COG5: variants seen among roughly 807,000 people sequenced by gnomAD.
COG5 encodes the protein conserved oligomeric Golgi complex subunit 5.
A neutral mutation model predicts 110.4 loss-of-function variants in COG5; 86 were observed. The observed-to-expected ratio is 0.78, with a 90% CI of 0.65 to 0.93. The LOEUF is 0.93. COG5 is among the 40% of genes least tolerant of loss of function. The pLI is 0.00. For synonymous variants in COG5, 360 were observed against 334.6 expected (o/e 1.08, Z -0.83); for missense variants, 1,077 against 987.0 (o/e 1.09, Z -1.22).
chr7:107,325,680 G>C (rs1416818822), intron 10 of COG5, among the ~76,000 whole-genome samples: 1 of 151,906 alleles, frequency 6.6e-6, no homozygotes, highest in African/African-American at 2.4e-5. Context: ...AAAAAAGTAA[G>C]AGTAAAAATA....
intron 11 of COG5, among the ~76,000 whole-genome samples, chr7:107,307,718 A>G (rs1807849797): frequency 6.6e-6 from 1 of 152,156 alleles, no homozygotes; most frequent in Admixed American, 6.5e-5. Flanking sequence ...ATATGAATGC[A>G]AAGACATAAG....
At position 107,227,420 on chromosome 7, in the gene COG5, TAG is replaced by T. The variant is rs1405798473; in HGVS notation, c.2168+3193_2168+3194del. Among the ~76,000 whole-genome samples, 6 of 152,168 alleles carry T rather than the reference TAG, an allele frequency of 3.9e-5. No individual in the cohort carries two copies. The East Asian group carries it at 7.7e-4, about 20-fold the overall frequency. On this transcript the variant is annotated intron_variant, in intron 19 of 21. Coordinates refer to ENST00000297135, the MANE Select transcript of COG5 (RefSeq NM_006348.5). ...AAGAAGCTAGATATAAAAAAAAAAGTAGAACTATTAAAATTATACATTGATCA... is the reference window on the plus strand; with the variant it reads ...AAGAAGCTAGATATAAAAAAAAAAGTAACTATTAAAATTATACATTGATCA...
At chr7:107,256,035 C>T (rs1802855524) in intron 16 of COG5, among the ~76,000 whole-genome samples, 1 of 152,016 alleles carries the variant, frequency 6.6e-6, no homozygotes, top group Admixed American at 6.6e-5. Context: ...CAAAATGTGC[C>T]TCTCTAGTAC....
At chr7:107,409,220 C>A (rs1190881381) in intron 7 of COG5, among the ~76,000 whole-genome samples, 4 of 69,138 alleles carry the variant, frequency 5.8e-5, no homozygotes, top group African/African-American at 2.0e-4. Flanking sequence ...AACCAAAAAG[C>A]AACGTCAAGG....
intron 7 of COG5, 43 bp downstream of exon 7, chr7:107,412,459 A>G (rs992127166): frequency 1.9e-6 from 3 of 1,589,356 alleles, no homozygotes. Context: ...CACCTGTATT[A>G]TGACACATTT....
chr7:107,389,914 C>T (rs369637988), intron 7 of COG5, among the ~76,000 whole-genome samples: 2 of 152,176 alleles, frequency 1.3e-5, no homozygotes, highest in Non-Finnish European at 2.9e-5. Context: ...CAATCACACT[C>T]ATCAGTGCCT....
At chr7:107,446,849 C>A (rs4730245) in intron 6 of COG5, among the ~76,000 whole-genome samples, 2 of 152,174 alleles carry the variant, frequency 1.3e-5, no homozygotes, top group African/African-American at 4.8e-5. Context: ...TGGATTCCCA[C>A]CCCTTTGCAT....
At chr7:107,456,414 A>G (rs376023870) in intron 6 of COG5, among the ~76,000 whole-genome samples, 174 of 152,334 alleles carry the variant, frequency 1.1e-3, no homozygotes, top group African/African-American at 4.0e-3. Context: ...TACTCTTTTC[A>G]GATATTAGAC....
At chr7:107,373,436 T>C (rs1438770568) in intron 7 of COG5, among the ~76,000 whole-genome samples, 1 of 152,084 alleles carries the variant, frequency 6.6e-6, no homozygotes. Context: ...TATACAGAGA[T>C]TAGTCAGAGA....
rs1342827302 is a variant in COG5 at position 107,258,315 on chromosome 7, T to C, written c.1644A>G (p.Ala548=). 3 of 1,612,984 alleles carry C rather than the reference T, an allele frequency of 1.9e-6. No individual in the cohort carries two copies. ...PLTEGQRRNV[A]VVNSLYKLHQ... ...GCAACTTATACAATGAATTCACTAC[T>C]GCCACATTTCTTCTCTGTCCTTCAG... The change falls in exon 15 of 22, where the codon GCA becomes GCG. Residue 548 remains alanine (A), a synonymous_variant. Coordinates refer to ENST00000297135, the MANE Select transcript of COG5 (RefSeq NM_006348.5).
chr7:107,401,399 A>G (rs1029097930), intron 7 of COG5, among the ~76,000 whole-genome samples: 1 of 152,174 alleles, frequency 6.6e-6, no homozygotes. Flanking sequence ...ATTGCCGAAG[A>G]GTAACTTTTA....
chr7:107,491,668 T>C (rs1010697046), intron 6 of COG5, among the ~76,000 whole-genome samples: 2 of 152,108 alleles, frequency 1.3e-5, no homozygotes, highest in African/African-American at 2.4e-5. Context: ...AAAGCAAAAT[T>C]AGGGGACCAG....
At chr7:107,530,385 T>C (rs1404659434) in intron 5 of COG5, among the ~76,000 whole-genome samples, 1 of 152,120 alleles carries the variant, frequency 6.6e-6, no homozygotes, top group Non-Finnish European at 1.5e-5. Flanking sequence ...GCGGATCACC[T>C]TAGGTCGAGA....
intron 10 of COG5, among the ~76,000 whole-genome samples, chr7:107,334,294 AG>A (rs151320430): frequency 0.019 from 2,832 of 152,248 alleles, 83 homozygotes; most frequent in African/African-American, 0.063. Flanking sequence ...AAGATAAGCC[AG>A]GAACAAAAAG....
chr7:107,211,357 C>T, intron 19 of COG5, 132 bp from the exon 20 acceptor site: 2 of 983,014 alleles, frequency 2.0e-6, no homozygotes, highest in Non-Finnish European at 3.1e-6. Flanking sequence ...ACTGCTTAAC[C>T]ACTCTATTCA....
Position 107,499,349 on chromosome 7 carries a change from G to T in COG5, c.538+27888C>A, listed in dbSNP as rs556693110. 4.6e-5 allele frequency among the ~76,000 whole-genome samples: 7 copies of T among 151,852 alleles called. No individual in the cohort carries two copies. In the South Asian group the frequency reaches 1.5e-3, roughly 32 times the overall value. On this transcript the variant is annotated intron_variant, in intron 6 of 21. Transcript: ENST00000297135. ...TAAAAAAGAAAATCACCACACTAAC[G>T]TAAGGTATTCCTATTAACCTATCCA...
At chr7:107,337,131 T>TA (rs561022530) in intron 10 of COG5, among the ~76,000 whole-genome samples, 14 of 151,764 alleles carry the variant, frequency 9.2e-5, no homozygotes, top group Admixed American at 3.9e-4. Flanking sequence ...TGACTACTAT[T>TA]AAAAAAACAA....
Position 107,236,452 on chromosome 7 carries a change from G to C in COG5, c.2089C>G (p.Gln697Glu), listed in dbSNP as rs1031677638. ...TTTGTAGTAATTCATCAATGTACCTGTGCAAAATCAGCAGCAAGTCGCATT... is the reference window on the plus strand; with the variant it reads ...TTTGTAGTAATTCATCAATGTACCTCTGCAAAATCAGCAGCAAGTCGCATT... ...GKMRLAADFA[Q>E]MELAVGPFCR... The change falls in exon 18 of 22, where the codon CAG becomes GAG. Residue 697 changes from glutamine (Q) to glutamate (E), a missense_variant and splice_region_variant. By Grantham distance (29) the Gln-to-Glu change is conservative. Transcript: ENST00000297135. The C allele has an allele frequency of 1.2e-6, 2 of 1,610,024 alleles. No individual in the cohort carries two copies. The highest frequency in any genetic ancestry group is 2.2e-5 in the East Asian group (1 of 44,848).
chr7:107,505,728 G>A (rs1798944684), intron 6 of COG5, among the ~76,000 whole-genome samples: 2 of 152,174 alleles, frequency 1.3e-5, no homozygotes, highest in Admixed American at 1.3e-4. Flanking sequence ...GAAAGATCTG[G>A]GACTCAAGGC....
Sources: gnomAD v4.1 joint callset for allele counts (sites outside exome capture counted in the v4.1 genomes callset) on GRCh38, gnomAD v4.1.1 for gene constraint, MANE v1.5 for transcripts, NCBI Gene and HGNC (gene_info 2026-07-23, HGNC 2026-07-21) for gene names.